The following AFDN variants were observed in gnomAD, a reference collection of about 807,000 sequenced individuals.
The protein encoded by AFDN is afadin, adherens junction formation factor, also known as afadin.
In AFDN, 68 loss-of-function variants were observed where a neutral mutation model predicts 216.6. The observed-to-expected ratio is 0.31, with a 90% CI of 0.26 to 0.38. The LOEUF (loss-of-function observed/expected upper bound fraction) is 0.38, where lower values mean the gene tolerates loss of function less well. AFDN is among the 10% of genes least tolerant of loss of function. The pLI, the probability that AFDN is intolerant of heterozygous loss-of-function variation, is 1.00. For missense variants in AFDN, 2,136 were observed against 2,342.0 expected (o/e 0.91, Z 1.82); for synonymous variants, 868 against 853.7 (o/e 1.02, Z -0.29).
chr6:167,834,839 A>C (rs1320799238), intron 1 of AFDN, among the ~76,000 whole-genome samples: 1 of 151,840 alleles, frequency 6.6e-6, no homozygotes, highest in Non-Finnish European at 1.5e-5. Context: ...AAAAATTAAC[A>C]AGCAGGGTGG....
chr6:167,932,346 A>T (rs1367103323), intron 23 of AFDN, among the ~76,000 whole-genome samples: 1 of 152,182 alleles, frequency 6.6e-6, no homozygotes, highest in Non-Finnish European at 1.5e-5. Flanking sequence ...CAGTGTGGGT[A>T]TGCAGTTTAC....
intron 6 of AFDN, among the ~76,000 whole-genome samples, 160 bp downstream of exon 6, chr6:167,880,677 C>T (rs1050885674): frequency 3.3e-5 from 5 of 151,878 alleles, no homozygotes; most frequent in Non-Finnish European, 5.9e-5. Flanking sequence ...AAGCAGTCTC[C>T]CTTCCATTAC....
intron 7 of AFDN, among the ~76,000 whole-genome samples, 180 bp from the exon 8 acceptor site, chr6:167,890,682 C>G (rs575929649): frequency 6.6e-6 from 1 of 151,696 alleles, no homozygotes; most frequent in South Asian, 2.1e-4. Context: ...CACCAAGAGG[C>G]TAATATTTCC....
chr6:167,943,085 C>A, intron 23 of AFDN, 44 bp from the exon 24 acceptor site: 1 of 1,533,258 alleles, frequency 6.5e-7, no homozygotes, highest in Non-Finnish European at 9.0e-7. Flanking sequence ...GCATTTCTTA[C>A]AATATATCTT....
chr6:167,845,406 T>C (rs1369661492), intron 1 of AFDN, among the ~76,000 whole-genome samples: 1 of 152,132 alleles, frequency 6.6e-6, no homozygotes. Flanking sequence ...TTTCTTTTCT[T>C]GCTTTTTTTA....
chr6:167,947,032 A>T, intron 27 of AFDN, 131 bp downstream of exon 27: 1 of 767,346 alleles, frequency 1.3e-6, no homozygotes, highest in Non-Finnish European at 2.0e-6. Flanking sequence ...TATGGTTTTC[A>T]TAAGGGATAT....
At chr6:167,871,862 TTGGAG>T (rs1784835284) in intron 3 of AFDN, among the ~76,000 whole-genome samples, 1 of 152,246 alleles carries the variant, frequency 6.6e-6, no homozygotes, top group Non-Finnish European at 1.5e-5. Context: ...TGTAAATTAC[TTGGAG>T]TTTTATTTAC....
intron 12 of AFDN, among the ~76,000 whole-genome samples, chr6:167,904,621 C>T (rs1789418512): frequency 6.6e-6 from 1 of 152,252 alleles, no homozygotes; most frequent in Non-Finnish European, 1.5e-5. Context: ...ACAAACTTTC[C>T]CTGATCCTTC....
At chr6:167,867,899 G>A (rs1303759782) in intron 2 of AFDN, among the ~76,000 whole-genome samples, 5 of 152,150 alleles carry the variant, frequency 3.3e-5, no homozygotes, top group African/African-American at 1.2e-4. Flanking sequence ...GAGGGTGGTG[G>A]TAAACTATTG....
chr6:167,888,269 T>C (rs1231796803), intron 6 of AFDN, among the ~76,000 whole-genome samples: 1 of 152,230 alleles, frequency 6.6e-6, no homozygotes, highest in African/African-American at 2.4e-5. Context: ...TGAAGCAGTG[T>C]AGAGAGAAAT....
chr6:167,869,905 A>G (rs1475341756), intron 2 of AFDN, among the ~76,000 whole-genome samples: 1 of 152,252 alleles, frequency 6.6e-6, no homozygotes, highest in Admixed American at 6.5e-5. Context: ...GACAGGAAGA[A>G]TAGTGCAGTC....
chr6:167,935,636 G>A lies in AFDN; in HGVS notation c.3100-7493G>A, dbSNP rs76165737. 4.9e-3 allele frequency among the ~76,000 whole-genome samples: 749 copies of A among 152,272 alleles called. 9 individuals carry two copies. Among genetic ancestry groups the A allele is most frequent in the African/African-American group, 0.016 (682 of 41,554 alleles). ...GTAATCCTGAATAATTAGTTTTGCA[G>A]AGAATAAATGGACTAAAATGCAATA... On this transcript the variant is annotated intron_variant, in intron 23 of 33. Transcript: ENST00000683244.
chr6:167,895,546 G>A (rs567008189), intron 9 of AFDN, among the ~76,000 whole-genome samples: 2 of 152,056 alleles, frequency 1.3e-5, no homozygotes, highest in Non-Finnish European at 2.9e-5. Flanking sequence ...ACCTTTACTC[G>A]ATGTCACAGA....
intron 2 of AFDN, among the ~76,000 whole-genome samples, chr6:167,867,812 A>T (rs1193174612): frequency 6.6e-6 from 1 of 152,170 alleles, no homozygotes; most frequent in African/African-American, 2.4e-5. Context: ...AATTACCTGG[A>T]TAATCTTTGT....
At chr6:167,838,947 C>T (rs879209984) in intron 1 of AFDN, among the ~76,000 whole-genome samples, 1 of 152,194 alleles carries the variant, frequency 6.6e-6, no homozygotes, top group Admixed American at 6.5e-5. Context: ...ACTTCAATTG[C>T]TCACCCATTA....
Position 167,920,844 on chromosome 6 carries a change from G to A in AFDN, c.2908+1911G>A, listed in dbSNP as rs537456228. ...CTTATTTTCTTAATTCTAATCAGGCGTCCTTTTATGTGGAAAACCTCAGTG... is the reference window on the plus strand; with the variant it reads ...CTTATTTTCTTAATTCTAATCAGGCATCCTTTTATGTGGAAAACCTCAGTG... On this transcript the variant is annotated intron_variant, in intron 21 of 33. Coordinates refer to ENST00000683244, the MANE Select transcript of AFDN (RefSeq NM_001386888.1). 1.6e-4 allele frequency among the ~76,000 whole-genome samples: 25 copies of A among 152,182 alleles called. 1 individual carries two copies. In the South Asian group the frequency reaches 3.3e-3, roughly 20 times the overall value.
intron 1 of AFDN, among the ~76,000 whole-genome samples, chr6:167,860,142 A>G (rs564180730): frequency 6.9e-6 from 1 of 144,728 alleles, no homozygotes; most frequent in Admixed American, 6.9e-5. Context: ...TTTAGGTATT[A>G]AGTACCTACA....
Position 167,872,357 on chromosome 6 carries a change from A to AG in AFDN, c.558_559insG (p.Pro187AlafsTer8). The AG allele has an allele frequency of 6.2e-7, 1 of 1,611,314 alleles. No homozygotes were observed. Among genetic ancestry groups the AG allele is most frequent in the Non-Finnish European group, 8.5e-7 (1 of 1,179,390 alleles). Reference sequence around the variant, plus strand: ...GACAGGCATCTGATAAAGATGATAGACCTTTCCAAGGGGAGGATGTGTAAG... The same window carrying AG: ...GACAGGCATCTGATAAAGATGATAGAGCCTTTCCAAGGGGAGGATGTGTAAG... On this transcript the variant is annotated frameshift_variant, in exon 4 of 34. Coordinates refer to ENST00000683244, the MANE Select transcript of AFDN (RefSeq NM_001386888.1). LOFTEE classifies it high-confidence loss of function.
At chr6:167,866,794 C>A (rs781782163) in intron 2 of AFDN, among the ~76,000 whole-genome samples, 6 of 152,202 alleles carry the variant, frequency 3.9e-5, no homozygotes, top group East Asian at 1.9e-4. Flanking sequence ...CCAGCAGCCA[C>A]CCGAACCAGT....
Sources: gnomAD v4.1 joint callset for allele counts (sites outside exome capture counted in the v4.1 genomes callset) on GRCh38, gnomAD v4.1.1 for gene constraint, MANE v1.5 for transcripts, NCBI Gene and HGNC (gene_info 2026-07-23, HGNC 2026-07-21) for gene names.